The following PTP4A2 variants were observed in gnomAD, a reference collection of about 807,000 sequenced individuals.
PTP4A2 encodes protein tyrosine phosphatase type IVA 2.
PTP4A2 carries 2 observed loss-of-function variants against 22.9 expected under a neutral mutation model. The ratio of observed to expected loss-of-function variants is 0.09; its 90% confidence interval spans 0.04 to 0.27. The LOEUF is 0.27. PTP4A2 is among the 10% of genes least tolerant of loss of function. The pLI, the probability that PTP4A2 is intolerant of heterozygous loss-of-function variation, is 1.00. For synonymous variants in PTP4A2, 68 were observed against 69.1 expected (o/e 0.98, Z 0.08); for missense variants, 103 against 205.1 (o/e 0.50, Z 3.04).
At chr1:31,913,046 C>T (rs1651624429) in intron 3 of PTP4A2, 1 of 453,528 alleles carries the variant, frequency 2.2e-6, no homozygotes, top group Non-Finnish European at 4.4e-6. Flanking sequence ...CAATATAAAA[C>T]ATGCTTCACT....
chr1:31,915,839 T>C, intron 3 of PTP4A2, 56 bp downstream of exon 3: 1 of 1,195,752 alleles, frequency 8.4e-7, no homozygotes, highest in Admixed American at 2.1e-5. Flanking sequence ...GTTTTATAAA[T>C]ATTTATGTTT....
intron 1 of PTP4A2, among the ~76,000 whole-genome samples, chr1:31,923,590 T>G (rs1652307173): frequency 6.6e-6 from 1 of 152,046 alleles, no homozygotes; most frequent in South Asian, 2.1e-4. Flanking sequence ...CGCCTCGGCC[T>G]CCCAAAGTGC....
intron 3 of PTP4A2, among the ~76,000 whole-genome samples, chr1:31,912,499 C>T (rs1651590952): frequency 6.6e-6 from 1 of 152,138 alleles, no homozygotes; most frequent in African/African-American, 2.4e-5. Flanking sequence ...TGTCAAGTAT[C>T]CCTTTCTCTT....
chr1:31,920,450 C>CA (rs1004722627), intron 1 of PTP4A2, among the ~76,000 whole-genome samples: 15 of 144,676 alleles, frequency 1.0e-4, no homozygotes, highest in Non-Finnish European at 9.1e-5. Flanking sequence ...TCTCAAAAAA[C>CA]AAAAAAACAA....
intron 1 of PTP4A2, among the ~76,000 whole-genome samples, chr1:31,920,555 T>C (rs1400150775): frequency 7.3e-6 from 1 of 136,838 alleles, no homozygotes; most frequent in Non-Finnish European, 1.6e-5. Context: ...TTTTTTTTTT[T>C]GAGACGGAGC....
At chr1:31,913,724 C>T (rs2124158691) in intron 3 of PTP4A2, 2 of 444,008 alleles carry the variant, frequency 4.5e-6, no homozygotes, top group Non-Finnish European at 4.5e-6. Flanking sequence ...CTTAGGCCTA[C>T]CATTATCTTC....
intron 3 of PTP4A2, among the ~76,000 whole-genome samples, chr1:31,914,635 C>T (rs956292555): frequency 6.6e-5 from 10 of 152,198 alleles, no homozygotes; most frequent in Admixed American, 6.5e-4. Context: ...CTTCCTACTA[C>T]ATAACCTTCC....
chr1:31,923,267 TGCAATCATA>T (rs1248068782), intron 1 of PTP4A2, among the ~76,000 whole-genome samples: 1 of 150,296 alleles, frequency 6.7e-6, no homozygotes, highest in Non-Finnish European at 1.5e-5. Context: ...AATGCAGTGG[TGCAATCATA>T]GCTCACGGCA....
At chr1:31,931,721 T>C (rs1422758767) in intron 1 of PTP4A2, among the ~76,000 whole-genome samples, 1 of 152,202 alleles carries the variant, frequency 6.6e-6, no homozygotes, top group Admixed American at 6.5e-5. Context: ...ATTTGCATAA[T>C]TTAAACTAAT....
Position 31,908,831 on chromosome 1 carries a change from A to G in PTP4A2, c.*21T>C, listed in dbSNP as rs367554803. The G allele has an allele frequency of 3.9e-4, 602 of 1,553,060 alleles. 3 individuals are homozygous for G. Among genetic ancestry groups the G allele is most frequent in the Middle Eastern group, 2.1e-4 (1 of 4,702 alleles). ...TCCCTCTAAATGGCACAATCAAGTC[A>G]GCCTTCGTTTACATTTCCTTCTACT... On this transcript the variant is annotated 3_prime_UTR_variant, in exon 6 of 6. Transcript: ENST00000647444.
Position 31,910,030 on chromosome 1 carries a change from A to G in PTP4A2, c.395+8T>C. Reference sequence around the variant, plus strand: ...CTGTGTTTCTGAACACAAAAACTTCATACTCACTGTCTTATAAACTGAACT... The same window carrying G: ...CTGTGTTTCTGAACACAAAAACTTCGTACTCACTGTCTTATAAACTGAACT... On this transcript the variant is annotated splice_region_variant and intron_variant, in intron 5 of 5. Coordinates refer to ENST00000647444, the MANE Select transcript of PTP4A2 (RefSeq NM_080391.4). 1 of 1,603,254 alleles carries G rather than the reference A, an allele frequency of 6.2e-7. No individual in the cohort carries two copies. Among genetic ancestry groups the G allele is most frequent in the Non-Finnish European group, 8.5e-7 (1 of 1,171,142 alleles).
chr1:31,917,227 G>A (rs185159430), intron 2 of PTP4A2, among the ~76,000 whole-genome samples: 3 of 152,312 alleles, frequency 2.0e-5, no homozygotes, highest in South Asian at 2.1e-4. Flanking sequence ...GCATACAGGC[G>A]TAGAATCAAC....
intron 1 of PTP4A2, among the ~76,000 whole-genome samples, chr1:31,920,396 T>C (rs112216634): frequency 0.022 from 3,380 of 151,538 alleles, 116 homozygotes; most frequent in African/African-American, 0.076. Context: ...TGAGCTGAGA[T>C]TGTGCCACTG....
rs138206079 is a variant in PTP4A2 at position 31,922,626 on chromosome 1, CTTTCTTTCTTTT to C, written c.-593-2980_-593-2969del. Among the ~76,000 whole-genome samples, 512 of 105,402 alleles carry C rather than the reference CTTTCTTTCTTTT, an allele frequency of 4.9e-3. 7 individuals carry two copies. Among genetic ancestry groups the C allele is most frequent in the African/African-American group, 0.023 (479 of 20,786 alleles). The allele number at this position is 105,402 out of a possible 152,430, so 69.1% of individuals were successfully genotyped here. On this transcript the variant is annotated intron_variant, in intron 1 of 5. Transcript: ENST00000647444. ...TCTTTCTTTCTTTCTTTCTTTCTTT[CTTTCTTTCTTTT>C]ATTTATTTTGAGACAGGTTTTCACT...
At chr1:31,924,773 G>C (rs1418031332) in intron 1 of PTP4A2, among the ~76,000 whole-genome samples, 4 of 152,098 alleles carry the variant, frequency 2.6e-5, no homozygotes, top group Non-Finnish European at 5.9e-5. Context: ...TGTTGAATTT[G>C]GGATATTTCC....
At chr1:31,929,140 A>G (rs964806057) in intron 1 of PTP4A2, among the ~76,000 whole-genome samples, 1 of 152,198 alleles carries the variant, frequency 6.6e-6, no homozygotes, top group Non-Finnish European at 1.5e-5. Context: ...TTTACTTTAC[A>G]ATTTTGTACT....
chr1:31,930,611 T>TA (rs1652686389), intron 1 of PTP4A2, among the ~76,000 whole-genome samples: 2 of 152,330 alleles, frequency 1.3e-5, no homozygotes, highest in South Asian at 4.1e-4. Context: ...TATAACTGGG[T>TA]AAGTTACACT....
chr1:31,916,306 C>G (rs1463525428), intron 2 of PTP4A2, among the ~76,000 whole-genome samples: 1 of 134,964 alleles, frequency 7.4e-6, no homozygotes, highest in African/African-American at 2.8e-5. Flanking sequence ...GATCGTGCCA[C>G]TGCACTCCAG....
chr1:31,929,297 T>G (rs1652620032), intron 1 of PTP4A2, among the ~76,000 whole-genome samples: 1 of 152,224 alleles, frequency 6.6e-6, no homozygotes, highest in Admixed American at 6.5e-5. Context: ...GGAATAGCAC[T>G]GGTAATAACA....
Sources: gnomAD v4.1 joint callset for allele counts (sites outside exome capture counted in the v4.1 genomes callset) on GRCh38, gnomAD v4.1.1 for gene constraint, MANE v1.5 for transcripts, NCBI Gene and HGNC (gene_info 2026-07-23, HGNC 2026-07-21) for gene names.